SLC24A3: variants seen among roughly 807,000 people sequenced by gnomAD.
SLC24A3 encodes the protein solute carrier family 24 member 3, also known as sodium/potassium/calcium exchanger 3.
A neutral mutation model predicts 75.8 loss-of-function variants in SLC24A3; 28 were observed. That is an observed-to-expected ratio of 0.37 (90% CI 0.27 to 0.51). SLC24A3 has a LOEUF of 0.51. SLC24A3 is among the 20% of genes least tolerant of loss of function. The pLI is 0.94. For synonymous variants in SLC24A3, 372 were observed against 334.1 expected (o/e 1.11, Z -1.24); for missense variants, 663 against 847.8 (o/e 0.78, Z 2.71).
At chr20:19,505,658 A>G (rs1369018659) in intron 2 of SLC24A3, among the ~76,000 whole-genome samples, 2 of 152,102 alleles carry the variant, frequency 1.3e-5, no homozygotes, top group Non-Finnish European at 2.9e-5. Flanking sequence ...TGTAGAACAC[A>G]CCTCAGCGTT....
chr20:19,248,107 A>G (rs1982547556), intron 1 of SLC24A3, among the ~76,000 whole-genome samples: 1 of 152,196 alleles, frequency 6.6e-6, no homozygotes, highest in Admixed American at 6.5e-5. Context: ...AGAGCATGAC[A>G]TAGTCCCAAA....
chr20:19,497,001 G>C (rs564560609), intron 2 of SLC24A3, among the ~76,000 whole-genome samples: 19 of 152,228 alleles, frequency 1.2e-4, no homozygotes, highest in Non-Finnish European at 2.6e-4. Flanking sequence ...CCTTCTCCTT[G>C]TGAGTTCCAA....
chr20:19,680,329 C>G (rs867335082), intron 9 of SLC24A3, among the ~76,000 whole-genome samples: 28 of 152,134 alleles, frequency 1.8e-4, no homozygotes, highest in Admixed American at 7.9e-4. Context: ...CTATGTGTTT[C>G]CTATATGTCT....
chr20:19,260,659 C>T (rs147522220), intron 1 of SLC24A3, among the ~76,000 whole-genome samples: 44 of 152,350 alleles, frequency 2.9e-4, no homozygotes, highest in Middle Eastern at 6.8e-3. Context: ...AACTGCTGCA[C>T]TTGTCTCTAT....
At position 19,585,162 on chromosome 20, in the gene SLC24A3, A is replaced by G. The variant is rs1324789365; in HGVS notation, c.508+107A>G. 3 of 1,020,416 alleles carry G rather than the reference A, an allele frequency of 2.9e-6. No individual in the cohort carries two copies. The African/African-American group carries it at 4.8e-5, about 16-fold the overall frequency. The allele number at this position is 1,020,416 out of a possible 1,614,324, so 63.2% of individuals were successfully genotyped here. A position where few individuals can be genotyped will look rare whatever the true frequency, so the allele number is the denominator to read the frequency against. On this transcript the variant is annotated intron_variant, in intron 5 of 16. Transcript: ENST00000328041. ...GATTGTCTGCCACTCATAGAAAATG[A>G]TAATCCAGGGACCCCAATGAGTAGA...
chr20:19,301,820 C>T (rs1388576543), intron 2 of SLC24A3, among the ~76,000 whole-genome samples: 1 of 152,172 alleles, frequency 6.6e-6, no homozygotes, highest in Non-Finnish European at 1.5e-5. Context: ...AAATCAGCCT[C>T]CTGTTATTAT....
chr20:19,272,736 C>G (rs1983368593), intron 1 of SLC24A3, among the ~76,000 whole-genome samples: 1 of 152,198 alleles, frequency 6.6e-6, no homozygotes. Context: ...TCCCTCCTCC[C>G]TTGGTGGTTC....
intron 2 of SLC24A3, among the ~76,000 whole-genome samples, chr20:19,376,186 G>C (rs953477631): frequency 6.6e-6 from 1 of 152,182 alleles, no homozygotes; most frequent in Non-Finnish European, 1.5e-5. Context: ...AATACATTGT[G>C]TACCCCAATT....
At chr20:19,497,447 T>C (rs953778141) in intron 2 of SLC24A3, among the ~76,000 whole-genome samples, 2 of 152,202 alleles carry the variant, frequency 1.3e-5, no homozygotes, top group Non-Finnish European at 2.9e-5. Context: ...ATTAGGAAGT[T>C]GGCCAATTTT....
intron 1 of SLC24A3, among the ~76,000 whole-genome samples, chr20:19,268,515 A>C (rs1349234078): frequency 1.3e-5 from 2 of 152,212 alleles, no homozygotes; most frequent in African/African-American, 4.8e-5. Context: ...CAGCTCATTC[A>C]TGCTTTTTAA....
intron 2 of SLC24A3, among the ~76,000 whole-genome samples, chr20:19,442,828 T>C (rs530325927): frequency 2.6e-5 from 4 of 152,332 alleles, no homozygotes; most frequent in African/African-American, 9.6e-5. Flanking sequence ...CAGTTTTGCA[T>C]TTTACTTTTG....
Position 19,665,829 on chromosome 20 carries a change from GT to G in SLC24A3, c.688-34del. On this transcript the variant is annotated intron_variant, in intron 7 of 16. Coordinates refer to ENST00000328041, the MANE Select transcript of SLC24A3 (RefSeq NM_020689.4). The stretch of plus-strand genomic sequence containing the variant: ...TGTGTGTGTGTGTGTGTGTGTGTGT[GT>G]GTCTAATCTTCTATTCTTTTTATTT... 13 of 1,420,242 alleles carry G rather than the reference GT, an allele frequency of 9.2e-6. No individual in the cohort carries two copies. In the South Asian group the frequency reaches 1.6e-4, roughly 17 times the overall value. 88.0% of individuals were successfully genotyped at this position (1,420,242 alleles called of 1,614,324 possible).
chr20:19,214,103 T>C (rs1981485332), intron 1 of SLC24A3, among the ~76,000 whole-genome samples: 2 of 152,082 alleles, frequency 1.3e-5, no homozygotes, highest in Non-Finnish European at 1.5e-5. Context: ...AAAAGGGATC[T>C]CCCCCAGCTT....
At chr20:19,515,641 C>T (rs1162389685) in intron 3 of SLC24A3, 77 bp downstream of exon 3, 7 of 1,434,398 alleles carry the variant, frequency 4.9e-6, no homozygotes, top group Non-Finnish European at 6.8e-6. Flanking sequence ...ACCTGAGGTG[C>T]CCCCAGTAGA....
At position 19,522,577 on chromosome 20, in the gene SLC24A3, C is replaced by T. The variant is rs77274212; in HGVS notation, c.348+7013C>T. On this transcript the variant is annotated intron_variant, in intron 3 of 16. Coordinates refer to ENST00000328041, the MANE Select transcript of SLC24A3 (RefSeq NM_020689.4). ...TCAGTGTTAAGGTTTTTGATCTTCA[C>T]CGTCTCTTCCCCCGCAAACGCCACC... Among the ~76,000 whole-genome samples the T allele has an allele frequency of 3.4e-3, 520 of 152,360 alleles. 4 individuals carry two copies. Among genetic ancestry groups the T allele is most frequent in the African/African-American group, 0.012 (497 of 41,578 alleles).
chr20:19,354,604 G>A (rs549971032), intron 2 of SLC24A3, among the ~76,000 whole-genome samples: 2 of 135,164 alleles, frequency 1.5e-5, no homozygotes, highest in East Asian at 4.3e-4. Flanking sequence ...GTGTGTGTGT[G>A]TGTGTGTGTG....
intron 7 of SLC24A3, among the ~76,000 whole-genome samples, chr20:19,659,899 A>G (rs989160195): frequency 6.6e-6 from 1 of 152,064 alleles, no homozygotes; most frequent in Non-Finnish European, 1.5e-5. Context: ...AGCTCCAGCC[A>G]CCCCCTGCTA....
At chr20:19,596,051 G>A (rs1198482890) in intron 6 of SLC24A3, among the ~76,000 whole-genome samples, 2 of 152,146 alleles carry the variant, frequency 1.3e-5, no homozygotes, top group East Asian at 1.9e-4. Flanking sequence ...GCCAGGGGCC[G>A]ATCATGTCCA....
intron 10 of SLC24A3, among the ~76,000 whole-genome samples, chr20:19,683,339 A>C (rs947552023): frequency 2.0e-5 from 3 of 152,196 alleles, no homozygotes; most frequent in African/African-American, 7.2e-5. Context: ...GGAAAACAGG[A>C]GCTAGTATTA....
Sources: allele counts gnomAD v4.1 joint callset (sites outside exome capture counted in the v4.1 genomes callset), GRCh38; gene constraint gnomAD v4.1.1; transcripts MANE v1.5; gene names NCBI Gene and HGNC (gene_info 2026-07-23, HGNC 2026-07-21).